The following C10orf67 variants were observed in gnomAD, a reference collection of about 807,000 sequenced individuals.
C10orf67 encodes chromosome 10 open reading frame 67, also known as uncharacterized protein C10orf67, mitochondrial.
A neutral mutation model predicts 35.6 loss-of-function variants in C10orf67; 60 were observed. That is an observed-to-expected ratio of 1.68 (90% CI 1.37 to 2.09). C10orf67 has a LOEUF of 2.09. Ranked by LOEUF, C10orf67 falls within the 30% of genes most tolerant of loss-of-function variation. The probability of loss-of-function intolerance (pLI) is 0.00; values close to 1 mark genes in which losing one functional copy is unlikely to be tolerated. For missense variants in C10orf67, 474 were observed against 330.2 expected, an observed-to-expected ratio of 1.44 and a Z score of -3.38; for synonymous variants, 167 against 115.8, an observed-to-expected ratio of 1.44 and a Z score of -2.84.
chr10:23,217,226 G>C (rs118089520), intron 15 of C10orf67, among the ~76,000 whole-genome samples: 2 of 152,254 alleles, frequency 1.3e-5, no homozygotes, highest in Non-Finnish European at 2.9e-5. Context: ...TTGAAACCCA[G>C]TGACATTTGT....
chr10:23,268,947 T>C (rs1842951351), intron 8 of C10orf67, among the ~76,000 whole-genome samples: 1 of 152,232 alleles, frequency 6.6e-6, no homozygotes. Flanking sequence ...CATAATCTTA[T>C]TGGACTACCA....
At chr10:23,205,513 T>G (rs1170465865) in intron 15 of C10orf67, among the ~76,000 whole-genome samples, 2 of 152,188 alleles carry the variant, frequency 1.3e-5, no homozygotes, top group Admixed American at 1.3e-4. Flanking sequence ...GTTCCATAAT[T>G]TAGAAAAGTA....
At chr10:23,214,496 A>T (rs1217546677) in intron 15 of C10orf67, among the ~76,000 whole-genome samples, 2 of 152,212 alleles carry the variant, frequency 1.3e-5, no homozygotes, top group Non-Finnish European at 2.9e-5. Flanking sequence ...AACATTTTTA[A>T]AGTCATAAAT....
intron 4 of C10orf67, among the ~76,000 whole-genome samples, chr10:23,309,969 T>C (rs1275828466): frequency 6.6e-6 from 1 of 152,232 alleles, no homozygotes; most frequent in Non-Finnish European, 1.5e-5. Context: ...TTTCAAAAAA[T>C]GGTTGTAAGG....
intron 12 of C10orf67, among the ~76,000 whole-genome samples, chr10:23,248,972 A>G (rs1842380117): frequency 6.6e-6 from 1 of 150,574 alleles, no homozygotes; most frequent in African/African-American, 2.4e-5. Flanking sequence ...CTAAAAATAC[A>G]AAAAAAAATT....
At chr10:23,260,219 G>A (rs1210430831) in intron 10 of C10orf67, among the ~76,000 whole-genome samples, 8 of 152,078 alleles carry the variant, frequency 5.3e-5, no homozygotes, top group African/African-American at 1.4e-4. Context: ...TATGCAAGCC[G>A]AAAGAGGGTG....
At position 23,225,936 on chromosome 10, in the gene C10orf67, C is replaced by T. The variant is rs183262343; in HGVS notation, c.1435-2118G>A. ...AATAATAATGGGAGACTTTGACACCCCACTGTCAACAAGAGACCTACAAAG... is the reference window on the plus strand; with the variant it reads ...AATAATAATGGGAGACTTTGACACCTCACTGTCAACAAGAGACCTACAAAG... On this transcript the variant is annotated intron_variant, in intron 13 of 15. Transcript: ENST00000636213. Among the ~76,000 whole-genome samples the T allele has an allele frequency of 3.0e-3, 459 of 152,044 alleles. 4 individuals carry two copies. Among genetic ancestry groups the T allele is most frequent in the African/African-American group, 0.011 (437 of 41,440 alleles).
chr10:23,257,443 G>C (rs945220482), intron 10 of C10orf67, among the ~76,000 whole-genome samples: 1 of 152,100 alleles, frequency 6.6e-6, no homozygotes, highest in African/African-American at 2.4e-5. Flanking sequence ...GGGTAGAGTG[G>C]TAGTCAGAGA....
intron 5 of C10orf67, among the ~76,000 whole-genome samples, chr10:23,297,423 G>A (rs1472671843): frequency 6.6e-6 from 1 of 152,032 alleles, no homozygotes; most frequent in East Asian, 1.9e-4. Context: ...TGGAGGACTA[G>A]GTAAGCATAC....
At chr10:23,222,356 T>A (rs544475392) in intron 15 of C10orf67, among the ~76,000 whole-genome samples, 1 of 152,136 alleles carries the variant, frequency 6.6e-6, no homozygotes, top group Non-Finnish European at 1.5e-5. Flanking sequence ...AACTCTATGG[T>A]TAATTAAACT....
rs1844996140 is a variant in C10orf67, at chr10:23,322,453, A to C, written c.412T>G (p.Leu138Val). The C allele has an allele frequency of 3.1e-6, 5 of 1,611,208 alleles. No homozygotes were observed. Among genetic ancestry groups the C allele is most frequent in the Non-Finnish European group, 4.2e-6 (5 of 1,177,328 alleles). The change falls in exon 3 of 16, where the codon TTG (leucine) becomes GTG (valine). Residue 138 changes from leucine to valine, a missense_variant. By Grantham distance (32) the Leu-to-Val change is conservative (BLOSUM62 1). Transcript: ENST00000636213. ...KFEDRLKEES[L>V]SLFTILHDRI... ...TCATGCAGAATGGTGAAGAGACTCA[A>C]AGATTCCTCTTTCAGTCGGTCCTCA...
intron 13 of C10orf67, among the ~76,000 whole-genome samples, chr10:23,236,599 C>T (rs558348227): frequency 2.0e-5 from 3 of 152,086 alleles, no homozygotes; most frequent in East Asian, 1.9e-4. Context: ...AAACTTTGGC[C>T]GGGCGTGGTG....
chr10:23,339,910 G>A (rs927787641), intron 1 of C10orf67, among the ~76,000 whole-genome samples: 2 of 152,154 alleles, frequency 1.3e-5, no homozygotes, highest in Non-Finnish European at 2.9e-5. Context: ...TTCTGTTTCT[G>A]TATAGTCTAC....
rs1842419597 is a variant in C10orf67 at position 23,250,532 on chromosome 10, T to A, written c.1281-12A>T. On this transcript the variant is annotated splice_polypyrimidine_tract_variant and intron_variant, in intron 11 of 15. Transcript: ENST00000636213. ...CTTCCTTCCTAAACCTATAAAAAAT[T>A]TACAGATGGTTAAATATTGTATTAG... 1 of 398,506 alleles carries A rather than the reference T, an allele frequency of 2.5e-6. No homozygotes were observed. Among genetic ancestry groups the A allele is most frequent in the Non-Finnish European group, 4.4e-6 (1 of 225,866 alleles). 24.7% of individuals were successfully genotyped at this position (398,506 alleles called of 1,614,324 possible).
chr10:23,294,608 A>G (rs1001389350), intron 5 of C10orf67, among the ~76,000 whole-genome samples: 1 of 152,238 alleles, frequency 6.6e-6, no homozygotes, highest in Non-Finnish European at 1.5e-5. Flanking sequence ...GGATGTTCCC[A>G]TCTGGAGATG....
intron 10 of C10orf67, among the ~76,000 whole-genome samples, chr10:23,256,482 C>T (rs949569099): frequency 1.3e-5 from 2 of 152,184 alleles, no homozygotes; most frequent in African/African-American, 4.8e-5. Flanking sequence ...AGGAACAATG[C>T]CCTCAGAGGA....
intron 12 of C10orf67, among the ~76,000 whole-genome samples, chr10:23,245,228 A>G (rs1225762015): frequency 6.6e-6 from 1 of 152,242 alleles, no homozygotes; most frequent in African/African-American, 2.4e-5. Context: ...TTAAAGGCAT[A>G]AACATAAGTC....
intron 2 of C10orf67, among the ~76,000 whole-genome samples, chr10:23,326,874 C>A (rs1845218330): frequency 6.6e-6 from 1 of 151,790 alleles, no homozygotes; most frequent in Admixed American, 6.6e-5. Flanking sequence ...GAACGATGAG[C>A]AAAGAAATTG....
chr10:23,285,044 A>C (rs974058142), intron 7 of C10orf67, among the ~76,000 whole-genome samples: 14 of 152,224 alleles, frequency 9.2e-5, no homozygotes, highest in African/African-American at 3.1e-4. Context: ...AAAACCAGCA[A>C]ATATCAGCTG....
Sources: allele counts gnomAD v4.1 joint callset (sites outside exome capture counted in the v4.1 genomes callset), GRCh38; gene constraint gnomAD v4.1.1; transcripts MANE v1.5; gene names NCBI Gene and HGNC (gene_info 2026-07-23, HGNC 2026-07-21).